Variants in ADAMTSL1 observed in about 807,000 individuals in gnomAD.
ADAMTSL1 encodes ADAMTS like 1.
In ADAMTSL1, 126 loss-of-function variants were observed where a neutral mutation model predicts 201.8. That is an observed-to-expected ratio of 0.62 (90% CI 0.54 to 0.72). The LOEUF (loss-of-function observed/expected upper bound fraction) is 0.72, where lower values mean the gene tolerates loss of function less well. Ranked by LOEUF, ADAMTSL1 falls within the 30% of genes least tolerant of loss-of-function variation. The pLI is 0.00. For synonymous variants in ADAMTSL1, 1,121 were observed against 903.4 expected, an observed-to-expected ratio of 1.24 and a Z score of -4.32; for missense variants, 2,679 against 2,277.8, an observed-to-expected ratio of 1.18 and a Z score of -3.59.
At chr9:17,947,122 T>G (rs886551504) in intron 1 of ADAMTSL1, among the ~76,000 whole-genome samples, 42 of 151,532 alleles carry the variant, frequency 2.8e-4, no homozygotes, top group African/African-American at 1.0e-3. Context: ...TGTGTGCATA[T>G]AAACTATATA....
At chr9:18,882,001 G>C (rs184079863) in intron 23 of ADAMTSL1, among the ~76,000 whole-genome samples, 4 of 152,292 alleles carry the variant, frequency 2.6e-5, no homozygotes, top group Admixed American at 2.6e-4. Context: ...CTGATTCCAA[G>C]GAGGAGGGAG....
At chr9:18,285,736 C>G (rs1563858445) in intron 2 of ADAMTSL1, among the ~76,000 whole-genome samples, 1 of 152,028 alleles carries the variant, frequency 6.6e-6, no homozygotes. Flanking sequence ...ATATACCACT[C>G]TTTATCTTTA....
chr9:17,927,982 CTTT>C (rs1457076573), intron 1 of ADAMTSL1, among the ~76,000 whole-genome samples: 1 of 148,968 alleles, frequency 6.7e-6, no homozygotes, highest in Non-Finnish European at 1.5e-5. Context: ...TTTTTCTTTT[CTTT>C]TCTTTCTTTC....
chr9:18,352,768 A>T, intron 2 of ADAMTSL1, among the ~76,000 whole-genome samples: 1 of 152,212 alleles, frequency 6.6e-6, no homozygotes, highest in East Asian at 1.9e-4. Context: ...AAAAATTAGA[A>T]GTCATAAAAG....
chr9:18,423,346 C>A (rs572138123), intron 2 of ADAMTSL1, among the ~76,000 whole-genome samples: 2 of 152,156 alleles, frequency 1.3e-5, no homozygotes, highest in Non-Finnish European at 2.9e-5. Flanking sequence ...AGGAAATGAG[C>A]ATTTTAAAAG....
chr9:18,095,219 T>A (rs1211666685), intron 1 of ADAMTSL1, among the ~76,000 whole-genome samples: 1 of 152,056 alleles, frequency 6.6e-6, no homozygotes, highest in Non-Finnish European at 1.5e-5. Flanking sequence ...ATGAAAACAC[T>A]GCATCAGAAA....
At chr9:18,763,513 G>A (rs1157364707) in intron 16 of ADAMTSL1, among the ~76,000 whole-genome samples, 1 of 151,948 alleles carries the variant, frequency 6.6e-6, no homozygotes, top group African/African-American at 2.4e-5. Flanking sequence ...GATTCCATTT[G>A]TTCATATTTG....
chr9:18,186,284 T>C (rs1268840106), intron 2 of ADAMTSL1, among the ~76,000 whole-genome samples: 1 of 152,096 alleles, frequency 6.6e-6, no homozygotes, highest in East Asian at 1.9e-4. Context: ...TACTATTGAG[T>C]TCTTATTTTT....
At chr9:18,236,443 C>T (rs548339839) in intron 2 of ADAMTSL1, among the ~76,000 whole-genome samples, 42 of 152,280 alleles carry the variant, frequency 2.8e-4, no homozygotes, top group African/African-American at 7.9e-4. Flanking sequence ...TTTCAGATTC[C>T]GGGACCCAGT....
At chr9:18,189,821 G>A (rs890601257) in intron 2 of ADAMTSL1, among the ~76,000 whole-genome samples, 1 of 152,016 alleles carries the variant, frequency 6.6e-6, no homozygotes, top group Non-Finnish European at 1.5e-5. Flanking sequence ...GGCCAGTTCT[G>A]TGGACTTTTA....
intron 2 of ADAMTSL1, among the ~76,000 whole-genome samples, chr9:18,203,146 T>G (rs1325353259): frequency 6.6e-6 from 1 of 152,098 alleles, no homozygotes; most frequent in Non-Finnish European, 1.5e-5. Context: ...CATGCTCTGT[T>G]TATACAAAGA....
chr9:18,811,236 C>A (rs1007037069), intron 20 of ADAMTSL1, among the ~76,000 whole-genome samples: 6 of 152,148 alleles, frequency 3.9e-5, no homozygotes, highest in Admixed American at 1.3e-4. Flanking sequence ...AGGTGCCCCC[C>A]AACCCTCATG....
chr9:18,826,127 C>A, intron 21 of ADAMTSL1, 157 bp from the exon 22 acceptor site: 1 of 795,326 alleles, frequency 1.3e-6, no homozygotes, highest in Non-Finnish European at 2.0e-6. Context: ...TCCTACCAGG[C>A]TCTGGACATT....
intron 1 of ADAMTSL1, among the ~76,000 whole-genome samples, chr9:18,147,969 T>A (rs1243844083): frequency 6.6e-6 from 1 of 152,078 alleles, no homozygotes; most frequent in Non-Finnish European, 1.5e-5. Flanking sequence ...TACTAGACTG[T>A]AAGACCATGG....
intron 9 of ADAMTSL1, among the ~76,000 whole-genome samples, chr9:18,675,652 T>C (rs926024588): frequency 2.0e-5 from 3 of 152,138 alleles, no homozygotes; most frequent in Non-Finnish European, 4.4e-5. Context: ...CTAATTATAG[T>C]AAATGGTGCC....
chr9:18,765,557 G>C (rs1820309775), intron 16 of ADAMTSL1, among the ~76,000 whole-genome samples: 1 of 152,116 alleles, frequency 6.6e-6, no homozygotes, highest in East Asian at 1.9e-4. Flanking sequence ...TCACTCCACT[G>C]TTCAGCTCAT....
intron 2 of ADAMTSL1, among the ~76,000 whole-genome samples, chr9:18,224,125 GT>G (rs1363576890): frequency 2.6e-5 from 4 of 151,978 alleles, no homozygotes; most frequent in African/African-American, 9.7e-5. Flanking sequence ...TGTTGAAAAA[GT>G]TGCCATTTGG....
At chr9:18,743,982 G>A (rs1257151037) in intron 15 of ADAMTSL1, among the ~76,000 whole-genome samples, 1 of 152,194 alleles carries the variant, frequency 6.6e-6, no homozygotes, top group Non-Finnish European at 1.5e-5. Context: ...GAGCAGGGTA[G>A]AGGAGTAACC....
chr9:17,981,821 G>A (rs1205752239), intron 1 of ADAMTSL1, among the ~76,000 whole-genome samples: 1 of 152,098 alleles, frequency 6.6e-6, no homozygotes, highest in Non-Finnish European at 1.5e-5. Flanking sequence ...AGCTGGTGAG[G>A]GTGAGGTGGG....
Sources: allele counts gnomAD v4.1 joint callset (sites outside exome capture counted in the v4.1 genomes callset), GRCh38; gene constraint gnomAD v4.1.1; transcripts MANE v1.5; gene names NCBI Gene and HGNC (gene_info 2026-07-23, HGNC 2026-07-21).